ARHGAP10: variants seen among roughly 807,000 people sequenced by gnomAD.
The protein encoded by ARHGAP10 is rho GTPase-activating protein 10.
In ARHGAP10, 87 loss-of-function variants were observed where a neutral mutation model predicts 108.6. That is an observed-to-expected ratio of 0.80 (90% confidence interval 0.67 to 0.96). The LOEUF (loss-of-function observed/expected upper bound fraction) is 0.96. Among genes scored for constraint, ARHGAP10 ranks in the 40% least tolerant of loss-of-function variants. ARHGAP10 has a pLI of 0.00. For synonymous variants in ARHGAP10, 347 were observed against 341.1 expected (o/e 1.02, Z -0.19); for missense variants, 939 against 954.5 (o/e 0.98, Z 0.21).
intron 4 of ARHGAP10, among the ~76,000 whole-genome samples, chr4:147,848,901 A>G (rs904796678): frequency 6.6e-6 from 1 of 152,244 alleles, no homozygotes; most frequent in Non-Finnish European, 1.5e-5. Flanking sequence ...AATGGTTACA[A>G]TAGTTTATTC....
intron 1 of ARHGAP10, among the ~76,000 whole-genome samples, chr4:147,775,208 G>T (rs1029000877): frequency 6.6e-6 from 1 of 152,114 alleles, no homozygotes; most frequent in Non-Finnish European, 1.5e-5. Context: ...CCACCGCACC[G>T]GCCTGATGGT....
chr4:147,832,484 TAAAATTA>T (rs1191306743), intron 3 of ARHGAP10, among the ~76,000 whole-genome samples: 1 of 151,384 alleles, frequency 6.6e-6, no homozygotes, highest in Non-Finnish European at 1.5e-5. Context: ...CTGTCTCTGC[TAAAATTA>T]CAAAAATTAG....
chr4:147,782,859 A>G (rs1730593502), intron 1 of ARHGAP10, among the ~76,000 whole-genome samples: 2 of 146,100 alleles, frequency 1.4e-5, no homozygotes, highest in Admixed American at 7.0e-5. Context: ...ATTTTCATAT[A>G]TATATAAAAA....
intron 1 of ARHGAP10, among the ~76,000 whole-genome samples, chr4:147,794,457 A>G (rs1262063992): frequency 1.3e-5 from 2 of 152,220 alleles, no homozygotes; most frequent in African/African-American, 2.4e-5. Context: ...TTTTATGAGT[A>G]TACAACTGGT....
At chr4:147,822,634 C>T in intron 1 of ARHGAP10, 93 bp from the exon 2 acceptor site, 2 of 1,271,830 alleles carry the variant, frequency 1.6e-6, no homozygotes, top group Non-Finnish European at 2.3e-6. Flanking sequence ...CGGAGGAGAG[C>T]TCTACAGCTT....
intron 19 of ARHGAP10, among the ~76,000 whole-genome samples, chr4:148,035,399 T>C (rs1728332879): frequency 6.6e-6 from 1 of 152,208 alleles, no homozygotes; most frequent in African/African-American, 2.4e-5. Flanking sequence ...TGTAGTTTTG[T>C]TTCTGTGCTT....
chr4:147,752,652 C>T (rs140787963), intron 1 of ARHGAP10, among the ~76,000 whole-genome samples: 11 of 152,068 alleles, frequency 7.2e-5, no homozygotes, highest in Non-Finnish European at 1.0e-4. Context: ...CTCAGCCTCC[C>T]GAGTAGCTGG....
chr4:147,751,045 G>A (rs1055579735), intron 1 of ARHGAP10, among the ~76,000 whole-genome samples: 1 of 151,824 alleles, frequency 6.6e-6, no homozygotes, highest in African/African-American at 2.4e-5. Context: ...CGGGTGTGAT[G>A]GTGCGTGCCT....
chr4:147,939,913 C>G lies in ARHGAP10; in HGVS notation c.1303+14C>G. On this transcript the variant is annotated intron_variant, in intron 14 of 22. Transcript: ENST00000336498. The stretch of plus-strand genomic sequence containing the variant: ...GTATGTTGATGGGTATGCCTCTTTT[C>G]TAATCATTTTTCCATGTGTTATTTG... 6.2e-7 allele frequency: 1 copy of G among 1,605,238 alleles called. No individual in the cohort carries two copies. The highest frequency in any genetic ancestry group is 2.2e-5 in the East Asian group (1 of 44,826).
intron 3 of ARHGAP10, among the ~76,000 whole-genome samples, chr4:147,825,115 G>A (rs1004501178): frequency 3.9e-5 from 6 of 152,138 alleles, no homozygotes; most frequent in African/African-American, 1.4e-4. Flanking sequence ...GGGGGTTTAT[G>A]TTGGCTAGGG....
rs533062482 is a variant in ARHGAP10, at chr4:147,785,537, A to G, written c.155-37190A>G. On this transcript the variant is annotated intron_variant, in intron 1 of 22. Coordinates refer to ENST00000336498, the MANE Select transcript of ARHGAP10 (RefSeq NM_024605.4). ...AATTCCCTGAGCATCCCATGGGTGT[A>G]TGTATATGATATCTAGGACATAAAT... 6.6e-5 allele frequency among the ~76,000 whole-genome samples: 10 copies of G among 152,308 alleles called. No homozygotes were observed. In the East Asian group the frequency reaches 1.7e-3, roughly 26 times the overall value.
At chr4:147,784,750 TATTATAAAATGTATATTATAAATATAA>T (rs1730776287) in intron 1 of ARHGAP10, among the ~76,000 whole-genome samples, 2 of 19,832 alleles carry the variant, frequency 1.0e-4, no homozygotes, top group Non-Finnish European at 3.7e-4. Flanking sequence ...TATAAATATA[TATTATAAAATGTATATTATAAATATAA>T]TATATTATAA....
intron 1 of ARHGAP10, 151 bp downstream of exon 1, chr4:147,732,606 C>T (rs577215561): frequency 1.8e-6 from 2 of 1,114,040 alleles, no homozygotes; most frequent in African/African-American, 1.6e-5. Flanking sequence ...CTCGGAACCC[C>T]GGGGGGTCCC....
intron 8 of ARHGAP10, among the ~76,000 whole-genome samples, 172 bp from the exon 9 acceptor site, chr4:147,879,060 G>A (rs561592662): frequency 4.1e-4 from 62 of 152,278 alleles, no homozygotes; most frequent in African/African-American, 1.3e-3. Context: ...GTGAGCCACC[G>A]TGCCCGGCCT....
At chr4:147,846,292 T>C (rs775379040) in intron 3 of ARHGAP10, among the ~76,000 whole-genome samples, 4 of 152,216 alleles carry the variant, frequency 2.6e-5, no homozygotes, top group Non-Finnish European at 5.9e-5. Flanking sequence ...TTTTCTGTAA[T>C]GTTAAGCTTG....
intron 18 of ARHGAP10, among the ~76,000 whole-genome samples, chr4:147,979,245 T>A (rs1054956112): frequency 1.3e-5 from 2 of 152,190 alleles, no homozygotes; most frequent in Admixed American, 6.6e-5. Flanking sequence ...TGAGAGGTAG[T>A]AGTCTAGTTT....
At chr4:147,904,388 C>T (rs3951256) in intron 10 of ARHGAP10, among the ~76,000 whole-genome samples, 1 of 151,982 alleles carries the variant, frequency 6.6e-6, no homozygotes, top group South Asian at 2.1e-4. Flanking sequence ...CCCCGTCCCC[C>T]CACCCCACAA....
At chr4:147,984,799 T>G (rs1739966823) in intron 18 of ARHGAP10, among the ~76,000 whole-genome samples, 1 of 152,212 alleles carries the variant, frequency 6.6e-6, no homozygotes. Flanking sequence ...GAGTAGAAAC[T>G]TGATCCTTGT....
chr4:147,889,814 G>T (rs924343480), intron 10 of ARHGAP10, among the ~76,000 whole-genome samples: 2 of 152,082 alleles, frequency 1.3e-5, no homozygotes, highest in Non-Finnish European at 2.9e-5. Flanking sequence ...TATAAATCAA[G>T]AGCTTTTACT....
Sources: allele counts gnomAD v4.1 joint callset (sites outside exome capture counted in the v4.1 genomes callset), GRCh38; gene constraint gnomAD v4.1.1; transcripts MANE v1.5; gene names NCBI Gene and HGNC (gene_info 2026-07-23, HGNC 2026-07-21).